The following SEPTIN2 variants were observed in gnomAD, a reference collection of about 807,000 sequenced individuals.
The protein encoded by SEPTIN2 is septin-2.
Under a neutral mutation model 46.5 loss-of-function variants are expected in SEPTIN2, and 34 were observed. That is an observed-to-expected ratio of 0.73 (90% CI 0.56 to 0.97). The LOEUF is 0.97. SEPTIN2 is among the 50% of genes least tolerant of loss of function. The pLI, the probability that SEPTIN2 is intolerant of heterozygous loss-of-function variation, is 0.00. For synonymous variants in SEPTIN2, 175 were observed against 153.4 expected, an observed-to-expected ratio of 1.14 and a Z score of -1.04; for missense variants, 347 against 448.4, an observed-to-expected ratio of 0.77 and a Z score of 2.04.
chr2:241,326,769 A>G (rs1039061683), intron 3 of SEPTIN2, among the ~76,000 whole-genome samples: 3 of 152,238 alleles, frequency 2.0e-5, no homozygotes, highest in African/African-American at 7.2e-5. Context: ...AGGCCTGCCA[A>G]TGGCTGTGTA....
At chr2:241,323,395 C>G (rs938386517) in intron 1 of SEPTIN2, among the ~76,000 whole-genome samples, 2 of 151,676 alleles carry the variant, frequency 1.3e-5, no homozygotes, top group Non-Finnish European at 2.9e-5. Context: ...GTCTTGAACT[C>G]CTGACCTCAA....
chr2:241,323,851 T>C (rs1012683014), intron 1 of SEPTIN2, among the ~76,000 whole-genome samples: 1 of 152,230 alleles, frequency 6.6e-6, no homozygotes, highest in Non-Finnish European at 1.5e-5. Flanking sequence ...TTGGCTACTA[T>C]TGATTACACT....
chr2:241,337,496 T>G lies in SEPTIN2; in HGVS notation c.456T>G (p.Phe152Leu). The change falls in exon 6 of 13, where the codon TTT becomes TTG. Residue 152 changes from phenylalanine to leucine, a missense_variant. Transcript: ENST00000391971. ...ATAGGGTGCATTGTTGCTTTTACTT[T>G]ATTTCACCTTTTGGACATGGGTAAG... ...IDNRVHCCFY[F>L]ISPFGHGLKP... The G allele has an allele frequency of 6.2e-7, 1 of 1,613,982 alleles. No homozygotes were observed. The highest frequency in any genetic ancestry group is 8.5e-7 in the Non-Finnish European group (1 of 1,179,930).
chr2:241,331,992 C>T (rs887245294), intron 3 of SEPTIN2, among the ~76,000 whole-genome samples: 4 of 152,134 alleles, frequency 2.6e-5, no homozygotes, highest in African/African-American at 7.2e-5. Flanking sequence ...AGTCTTTTTA[C>T]AGTCTGTAAC....
intron 1 of SEPTIN2, chr2:241,320,075 A>T (rs1331659368): frequency 5.7e-6 from 2 of 348,426 alleles, no homozygotes; most frequent in African/African-American, 4.3e-5. Context: ...TTTTGCATTT[A>T]TATTTGTGAG....
chr2:241,351,176 G>A (rs1458070243), intron 12 of SEPTIN2, among the ~76,000 whole-genome samples: 2 of 152,166 alleles, frequency 1.3e-5, no homozygotes, highest in Non-Finnish European at 2.9e-5. Flanking sequence ...GGCAGGGTGG[G>A]TTAGGCAGAA....
chr2:241,342,979 G>T lies in SEPTIN2; in HGVS notation c.595-13G>T. The stretch of plus-strand genomic sequence containing the variant: ...GTTTGCTAAAATTGATCCTGGTTTT[G>T]TCATTCTCTCAGATTCTGGATGAAA... On this transcript the variant is annotated splice_polypyrimidine_tract_variant and intron_variant, in intron 7 of 12. Transcript: ENST00000391971. 3 of 1,496,152 alleles carry T rather than the reference G, an allele frequency of 2.0e-6. No individual in the cohort carries two copies. The highest frequency in any genetic ancestry group is 2.8e-6 in the Non-Finnish European group (3 of 1,078,510). The allele number at this position is 1,496,152 out of a possible 1,614,324, so 92.7% of individuals were successfully genotyped here.
At chr2:241,350,911 G>A (rs2060731731) in intron 12 of SEPTIN2, among the ~76,000 whole-genome samples, 1 of 152,196 alleles carries the variant, frequency 6.6e-6, no homozygotes, top group South Asian at 2.1e-4. Context: ...CAGAGGAAAA[G>A]CATGAAAGGT....
At chr2:241,338,849 A>AAAT (rs2080727331) in intron 7 of SEPTIN2, among the ~76,000 whole-genome samples, 2 of 19,644 alleles carry the variant, frequency 1.0e-4, no homozygotes, top group Non-Finnish European at 2.3e-4. Flanking sequence ...ATAAATATAT[A>AAAT]ATATATATAA....
intron 1 of SEPTIN2, among the ~76,000 whole-genome samples, chr2:241,321,465 C>T (rs1483107747): frequency 6.6e-6 from 1 of 152,112 alleles, no homozygotes; most frequent in Non-Finnish European, 1.5e-5. Context: ...GTCTCTCCTC[C>T]ATGTTTGCAC....
chr2:241,350,971 A>G (rs559081450), intron 12 of SEPTIN2, among the ~76,000 whole-genome samples: 1 of 152,298 alleles, frequency 6.6e-6, no homozygotes, highest in African/African-American at 2.4e-5. Context: ...GGTCACATGG[A>G]GCTGGGGTAA....
At chr2:241,349,988 A>C (rs575969998) in intron 11 of SEPTIN2, 85 bp from the exon 12 acceptor site, 1 of 1,365,466 alleles carries the variant, frequency 7.3e-7, no homozygotes, top group African/African-American at 1.4e-5. Context: ...GTAGAAGTTG[A>C]AATTTTAGGA....
At chr2:241,322,921 C>G (rs1198193831) in intron 1 of SEPTIN2, among the ~76,000 whole-genome samples, 1 of 151,966 alleles carries the variant, frequency 6.6e-6, no homozygotes, top group African/African-American at 2.4e-5. Flanking sequence ...ATTTGTGTCC[C>G]TAGTGTCTAA....
chr2:241,336,671 C>A (rs887051724), intron 5 of SEPTIN2: 1 of 171,912 alleles, frequency 5.8e-6, no homozygotes, highest in Admixed American at 6.2e-5. Flanking sequence ...TCCCTTCTTA[C>A]ATGTGAAAGT....
At chr2:241,331,187 CAAAAG>C (rs955994172) in intron 3 of SEPTIN2, among the ~76,000 whole-genome samples, 17 of 151,850 alleles carry the variant, frequency 1.1e-4, no homozygotes, top group African/African-American at 3.9e-4. Flanking sequence ...TCAAAAAAAA[CAAAAG>C]AAAAAAATCA....
Position 241,343,790 on chromosome 2 carries a change from G to A in SEPTIN2, c.735G>A (p.Leu245=), listed in dbSNP as rs1264623801. Residue 245 remains leucine, a synonymous_variant, in exon 9 of 13, where the codon TTG becomes TTA. Coordinates refer to ENST00000391971, the MANE Select transcript of SEPTIN2 (RefSeq NM_004404.5). Reference sequence around the variant, plus strand: ...TCTCTGTGGTTGGATCCAATCAGTTGATTGAAGCCAAAGGAAAGAAGGTCA... The same window carrying A: ...TCTCTGTGGTTGGATCCAATCAGTTAATTGAAGCCAAAGGAAAGAAGGTCA... ...IPFSVVGSNQ[L]IEAKGKKVRG... is the part of the protein sequence containing the mutation. 2 of 1,614,068 alleles carry A rather than the reference G, an allele frequency of 1.2e-6. No homozygotes were observed. The highest frequency in any genetic ancestry group is 4.5e-5 in the East Asian group (2 of 44,894).
intron 7 of SEPTIN2, among the ~76,000 whole-genome samples, chr2:241,341,154 A>C (rs1191764081): frequency 6.6e-6 from 1 of 152,026 alleles, no homozygotes; most frequent in Non-Finnish European, 1.5e-5. Flanking sequence ...AGTATTCCTT[A>C]GTATTATTTT....
intron 7 of SEPTIN2, among the ~76,000 whole-genome samples, chr2:241,341,644 A>G (rs2081272296): frequency 6.6e-6 from 1 of 152,224 alleles, no homozygotes; most frequent in Non-Finnish European, 1.5e-5. Flanking sequence ...GGATGTAGAG[A>G]GGAGGGCCTT....
intron 1 of SEPTIN2, among the ~76,000 whole-genome samples, chr2:241,322,805 A>C (rs758465150): frequency 6.6e-6 from 1 of 152,132 alleles, no homozygotes; most frequent in African/African-American, 2.4e-5. Context: ...TGTTCAAGTT[A>C]CAGTGCTCTA....
Sources: gnomAD v4.1 joint callset for allele counts (sites outside exome capture counted in the v4.1 genomes callset) on GRCh38, gnomAD v4.1.1 for gene constraint, MANE v1.5 for transcripts, NCBI Gene and HGNC (gene_info 2026-07-23, HGNC 2026-07-21) for gene names.